THOC3: variants seen among roughly 807,000 people sequenced by gnomAD.
THOC3 encodes the protein TEX1 homolog.
A neutral mutation model predicts 23.3 loss-of-function variants in THOC3; 4 were observed. The ratio of observed to expected loss-of-function variants is 0.17; its 90% CI spans 0.08 to 0.39. The LOEUF (loss-of-function observed/expected upper bound fraction) is 0.39, where lower values mean the gene tolerates loss of function less well. Among genes scored for constraint, THOC3 ranks in the 10% least tolerant of loss-of-function variants. The pLI, the probability that THOC3 is intolerant of heterozygous loss-of-function variation, is 1.00. For missense variants in THOC3, 64 were observed against 359.4 expected (o/e 0.18, Z 6.65); for synonymous variants, 27 against 141.5 (o/e 0.19, Z 5.74).
intron 3 of THOC3, among the ~76,000 whole-genome samples, chr5:175,964,370 G>A (rs1411402470): frequency 2.0e-5 from 3 of 152,372 alleles, no homozygotes; most frequent in Admixed American, 2.0e-4. Flanking sequence ...AACTTTAAGA[G>A]TACGAATTAG....
At chr5:175,962,527 T>A in intron 3 of THOC3, among the ~76,000 whole-genome samples, 1 of 145,898 alleles carries the variant, frequency 6.9e-6, no homozygotes, top group Non-Finnish European at 1.5e-5. Context: ...GCTCCTTTTT[T>A]TTTTTTTTTT....
intron 3 of THOC3, among the ~76,000 whole-genome samples, chr5:175,964,535 T>C (rs1756728760): frequency 6.6e-6 from 1 of 151,844 alleles, no homozygotes; most frequent in South Asian, 2.1e-4. Context: ...GAGAATCGCT[T>C]AACCTCGGAG....
intron 3 of THOC3, among the ~76,000 whole-genome samples, chr5:175,961,672 C>T (rs1417110448): frequency 6.6e-6 from 1 of 152,118 alleles, no homozygotes; most frequent in Non-Finnish European, 1.5e-5. Context: ...AACTAGTGGA[C>T]TTTAAAGAAA....
chr5:175,965,437 C>T (rs980472883), intron 2 of THOC3, among the ~76,000 whole-genome samples: 22 of 152,198 alleles, frequency 1.4e-4, no homozygotes, highest in African/African-American at 4.6e-4. Flanking sequence ...GGAGATAAGA[C>T]GACAAGCCAA....
At position 175,965,151 on chromosome 5, in the gene THOC3, C is replaced by T. The variant is rs1756741652; in HGVS notation, c.429G>A (p.Glu143=). 3.8e-6 allele frequency: 6 copies of T among 1,589,268 alleles called. No homozygotes were observed. The highest frequency in any genetic ancestry group is 5.1e-6 in the Non-Finnish European group (6 of 1,169,862). The change falls in exon 3 of 6, where the codon GAG becomes GAA. Residue 143 remains glutamate, a synonymous_variant. Transcript: ENST00000265097. ...KCIATVNTKG[E]NINICWSPDG... ...CAGGACTCCAGCAGATATTAATGTTCTCCCCTGGGAACCCAGACATAATCA... is the reference window on the plus strand; with the variant it reads ...CAGGACTCCAGCAGATATTAATGTTTTCCCCTGGGAACCCAGACATAATCA...
rs59077860 is a variant in THOC3, at chr5:175,962,421, T to TACACAC, written c.630-993_630-988dup. 7.5e-4 allele frequency among the ~76,000 whole-genome samples: 33 copies of TACACAC among 44,188 alleles called. 1 individual carries two copies. The highest frequency in any genetic ancestry group is 1.2e-3 in the Non-Finnish European group (24 of 19,256). The allele number at this position is 44,188 out of a possible 152,430, so 29.0% of individuals were successfully genotyped here. A position where few individuals can be genotyped will look rare whatever the true frequency, so the allele number is the denominator to read the frequency against. ...TTTTATCTTTAAATATATATATATATACACACACACACACACACACACGTA... is the reference window on the plus strand; with the variant it reads ...TTTTATCTTTAAATATATATATATATACACACACACACACACACACACACACACGTA... On this transcript the variant is annotated intron_variant, in intron 3 of 5. Coordinates refer to ENST00000265097, the MANE Select transcript of THOC3 (RefSeq NM_032361.4).
intron 2 of THOC3, among the ~76,000 whole-genome samples, chr5:175,965,565 C>T (rs1756749343): frequency 6.6e-6 from 1 of 152,258 alleles, no homozygotes; most frequent in Non-Finnish European, 1.5e-5. Flanking sequence ...GCTGGGACTA[C>T]AGGCGCCTGC....
intron 2 of THOC3, among the ~76,000 whole-genome samples, chr5:175,965,615 C>T (rs1185859342): frequency 3.9e-5 from 6 of 152,174 alleles, no homozygotes; most frequent in Non-Finnish European, 8.8e-5. Context: ...TTAGTAGAGA[C>T]GGGGTTTCAC....
chr5:175,966,739 C>T (rs1321694690), intron 2 of THOC3, among the ~76,000 whole-genome samples: 3 of 151,640 alleles, frequency 2.0e-5, no homozygotes, highest in African/African-American at 7.3e-5. Context: ...TTTGCACATG[C>T]CGTTCCCTCC....
intron 3 of THOC3, among the ~76,000 whole-genome samples, chr5:175,963,963 C>T (rs1242300419): frequency 3.9e-5 from 6 of 152,308 alleles, no homozygotes; most frequent in African/African-American, 7.2e-5. Context: ...CTGTTCTTTC[C>T]GTGGAATTTC....
chr5:175,963,414 C>T (rs4867816), intron 3 of THOC3, among the ~76,000 whole-genome samples: 27,915 of 137,776 alleles, frequency 0.2, 2 homozygotes, highest in East Asian at 0.3. Flanking sequence ...CTAGGGGCTG[C>T]ACATGTGGTA....
At chr5:175,962,421 T>TACACACGCAC (rs1554089928) in intron 3 of THOC3, among the ~76,000 whole-genome samples, 18 of 44,216 alleles carry the variant, frequency 4.1e-4, no homozygotes, top group African/African-American at 1.3e-3. Context: ...TATATATATA[T>TACACACGCAC]ACACACACAC....
At chr5:175,960,645 TG>T (rs1437258121) in intron 5 of THOC3, 2 of 130,518 alleles carry the variant, frequency 1.5e-5, no homozygotes, top group Admixed American at 1.6e-4. Flanking sequence ...TTCCAGCTTC[TG>T]TTGTTTTTAA....
chr5:175,964,543 G>A (rs182726044), intron 3 of THOC3, among the ~76,000 whole-genome samples: 12 of 151,576 alleles, frequency 7.9e-5, no homozygotes, highest in South Asian at 2.1e-4. Flanking sequence ...CTTAACCTCG[G>A]AGGCAGAGGT....
At chr5:175,963,471 T>C (rs1756705120) in intron 3 of THOC3, among the ~76,000 whole-genome samples, 1 of 147,922 alleles carries the variant, frequency 6.8e-6, no homozygotes, top group African/African-American at 2.5e-5. Flanking sequence ...GTGTTTGCTT[T>C]TGTGGAAGGA....
chr5:175,961,898 A>C (rs1327865473), intron 3 of THOC3, among the ~76,000 whole-genome samples: 1 of 151,894 alleles, frequency 6.6e-6, no homozygotes, highest in African/African-American at 2.4e-5. Flanking sequence ...TGTAATAAAA[A>C]CTCCAGGAAT....
intron 3 of THOC3, among the ~76,000 whole-genome samples, 155 bp from the exon 4 acceptor site, chr5:175,961,589 A>G (rs1406943491): frequency 2.7e-5 from 4 of 150,292 alleles, no homozygotes; most frequent in African/African-American, 7.4e-5. Context: ...TTTGAACTAC[A>G]TTATTTAAAA....
At position 175,965,119 on chromosome 5, in the gene THOC3, T is replaced by A; in HGVS notation, c.461A>T (p.Gln154Leu). ...ATCCTTGTTGCCTACAGCAATGGTC[T>A]GCCCATCAGGACTCCAGCAGATATT... is the stretch of plus-strand genomic sequence containing the variant. Reference protein sequence around the residue: ...NINICWSPDGQTIAVGNKDDV... With the variant: ...NINICWSPDGLTIAVGNKDDV... The change falls in exon 3 of 6, where the codon CAG (glutamine) becomes CTG (leucine). Residue 154 changes from glutamine to leucine, a missense_variant. Coordinates refer to ENST00000265097, the MANE Select transcript of THOC3 (RefSeq NM_032361.4). 6.5e-7 allele frequency: 1 copy of A among 1,542,584 alleles called. No individual in the cohort carries two copies. The highest frequency in any genetic ancestry group is 8.7e-7 in the Non-Finnish European group (1 of 1,151,420).
intron 5 of THOC3, chr5:175,960,427 C>A: frequency 3.2e-6 from 1 of 314,548 alleles, no homozygotes; most frequent in East Asian, 7.1e-5. Flanking sequence ...GGATGCTGGA[C>A]AATGTTCACC....
Sources: gnomAD v4.1 joint callset for allele counts (sites outside exome capture counted in the v4.1 genomes callset) on GRCh38, gnomAD v4.1.1 for gene constraint, MANE v1.5 for transcripts, NCBI Gene and HGNC (gene_info 2026-07-23, HGNC 2026-07-21) for gene names.